Variants in SV2B observed in about 807,000 individuals in gnomAD.
SV2B encodes the protein solute carrier family 22 member B2.
SV2B carries 41 observed loss-of-function variants against 73.9 expected under a neutral mutation model. The ratio of observed to expected loss-of-function variants is 0.56; its 90% CI spans 0.43 to 0.72. The LOEUF (loss-of-function observed/expected upper bound fraction) is 0.72, where lower values mean the gene tolerates loss of function less well. Among genes scored for constraint, SV2B ranks in the 30% least tolerant of loss-of-function variants. The pLI, the probability that SV2B is intolerant of heterozygous loss-of-function variation, is 0.00. For missense variants in SV2B, 764 were observed against 857.8 expected (o/e 0.89, Z 1.37); for synonymous variants, 314 against 314.2 (o/e 1.00, Z 0.01).
In SV2B at chr15:91,130,635, AGCTCCT is replaced by A. The variant is rs1350948484; in HGVS notation, c.-392+30275_-392+30280del. 6.6e-6 allele frequency among the ~76,000 whole-genome samples: 1 copy of A among 152,096 alleles called. No homozygotes were observed. The highest frequency in any genetic ancestry group is 2.4e-5 in the African/African-American group (1 of 41,406). ...TCACGGAGGACAGGGACCAAGAGGA[AGCTCCT>A]GCGTGTCAGTCAGGATGTGGCTTGT... On this transcript the variant is annotated intron_variant, in intron 1 of 12. Transcript: ENST00000394232. This position sits in a 1 kb window ranked among gnomAD's most constrained non-coding sequence, Gnocchi z 5.6.
intron 1 of SV2B, among the ~76,000 whole-genome samples, chr15:91,189,092 C>T (rs2044897073): frequency 6.6e-6 from 1 of 152,140 alleles, no homozygotes; most frequent in Non-Finnish European, 1.5e-5. Flanking sequence ...TCTCAAAGTG[C>T]TGGGATTACA....
intron 9 of SV2B, among the ~76,000 whole-genome samples, chr15:91,279,643 G>A (rs1567428427): frequency 6.6e-6 from 1 of 152,180 alleles, no homozygotes; most frequent in African/African-American, 2.4e-5. Context: ...AGGGCTGCCT[G>A]CGTCAGACCC....
At chr15:91,150,480 A>G (rs114630277) in intron 1 of SV2B, among the ~76,000 whole-genome samples, 1,958 of 152,282 alleles carry the variant, frequency 0.013, 39 homozygotes, top group African/African-American at 0.043. Flanking sequence ...TCTGTGTTGG[A>G]AAAACATAAG....
chr15:91,182,527 G>A (rs969162260), intron 1 of SV2B, among the ~76,000 whole-genome samples: 1 of 152,202 alleles, frequency 6.6e-6, no homozygotes, highest in Non-Finnish European at 1.5e-5. Context: ...CTTAGGGCAA[G>A]TTCCTGAGCT....
At chr15:91,246,726 C>T (rs1466805875) in intron 2 of SV2B, among the ~76,000 whole-genome samples, 1 of 151,690 alleles carries the variant, frequency 6.6e-6, no homozygotes, top group Admixed American at 6.6e-5. Context: ...TCCTCCTCCT[C>T]CTCCTCCTCC....
In SV2B at chr15:91,137,609, T is replaced by TATATGTATTTCATATATAC. The variant is rs2042875055; in HGVS notation, c.-392+37250_-392+37251insGTATTTCATATATACATAT. 7.2e-6 allele frequency among the ~76,000 whole-genome samples: 1 copy of TATATGTATTTCATATATAC among 138,226 alleles called. No individual in the cohort carries two copies. The highest frequency in any genetic ancestry group is 2.7e-5 in the African/African-American group (1 of 37,234). 90.7% of individuals were successfully genotyped at this position (138,226 alleles called of 152,430 possible). ...ATTTCTCATATATATATATATTTCA[T>TATATGTATTTCATATATAC]ATATATATTTCATATATACATATAT... On this transcript the variant is annotated intron_variant, in intron 1 of 12. Transcript: ENST00000394232. This position sits in a 1 kb window ranked among gnomAD's most constrained non-coding sequence, Gnocchi z 4.9.
At position 91,276,985 on chromosome 15, in the gene SV2B, TA is replaced by T. The variant is rs1238232413; in HGVS notation, c.1374-4741del. On this transcript the variant is annotated intron_variant, in intron 9 of 12. Transcript: ENST00000394232. ...ACAGGCATGCAACACCACACCTGGC[TA>T]ATTTTTTGTATTTTTAGTAGAGACG... is the stretch of plus-strand genomic sequence containing the variant. Among the ~76,000 whole-genome samples the T allele has an allele frequency of 1.4e-4, 21 of 152,196 alleles. 1 individual carries two copies. In the South Asian group the frequency reaches 4.4e-3, roughly 32 times the overall value.
intron 9 of SV2B, among the ~76,000 whole-genome samples, chr15:91,276,805 G>GTTATTATTATTATTA (rs3082230): frequency 0.011 from 971 of 92,106 alleles, 9 homozygotes; most frequent in African/African-American, 0.029. Flanking sequence ...TATTGTTGTT[G>GTTATTATTATTATTA]TTATTATTAT....
chr15:91,168,301 CGAGAGA>C (rs113991291), intron 1 of SV2B, among the ~76,000 whole-genome samples: 31 of 137,292 alleles, frequency 2.3e-4, no homozygotes, highest in African/African-American at 5.8e-4. Flanking sequence ...TGGTGAGATA[CGAGAGA>C]GAGAGAGAGA....
In SV2B at chr15:91,215,273, A is replaced by G. The variant is rs369561830; in HGVS notation, c.-391-10600A>G. The stretch of plus-strand genomic sequence containing the variant: ...TCACAATGAAACTGTTTCCTGGGGT[A>G]AGAACTTAGGCCAGAGGTTCTTGAC... On this transcript the variant is annotated intron_variant, in intron 1 of 12. Coordinates refer to ENST00000394232, the MANE Select transcript of SV2B (RefSeq NM_001323032.3). Among the ~76,000 whole-genome samples, 143 of 152,310 alleles carry G rather than the reference A, an allele frequency of 9.4e-4. 2 individuals are homozygous for G. The highest frequency in any genetic ancestry group is 3.3e-3 in the African/African-American group (138 of 41,566).
At position 91,294,958 on chromosome 15, in the gene SV2B, C is replaced by T. The variant is rs1027461119; in HGVS notation, c.*2406C>T. On this transcript the variant is annotated 3_prime_UTR_variant, in exon 13 of 13. Transcript: ENST00000394232. This position sits in a 1 kb window ranked among gnomAD's most constrained non-coding sequence, Gnocchi z 4.1. ...AGGATTGTCTAGCCTGAGTACCGGG[C>T]TACTTCTTAAATGCCGTCACTCCTG... The T allele has an allele frequency of 6.6e-6, 1 of 152,630 alleles. No individual in the cohort carries two copies. The highest frequency in any genetic ancestry group is 1.5e-5 in the Non-Finnish European group (1 of 68,064). The allele number at this position is 152,630 out of a possible 1,614,324, so 9.5% of individuals were successfully genotyped here.
chr15:91,217,792 C>A (rs966305163), intron 1 of SV2B, among the ~76,000 whole-genome samples: 9 of 152,258 alleles, frequency 5.9e-5, no homozygotes, highest in African/African-American at 2.2e-4. Flanking sequence ...AACAATCCCT[C>A]GCTTGAGAGG....
intron 1 of SV2B, among the ~76,000 whole-genome samples, chr15:91,135,509 C>T (rs1357216622): frequency 6.6e-6 from 1 of 152,128 alleles, no homozygotes; most frequent in South Asian, 2.1e-4. Flanking sequence ...ATCATCACAG[C>T]AATGTTGCAA....
At chr15:91,221,693 G>GCACACACA (rs3082137) in intron 1 of SV2B, among the ~76,000 whole-genome samples, 1,498 of 140,118 alleles carry the variant, frequency 0.011, 8 homozygotes, top group Non-Finnish European at 0.016. Context: ...AAGCATGTGC[G>GCACACACA]CACACACACA....
chr15:91,181,286 G>A (rs1301455160), intron 1 of SV2B, among the ~76,000 whole-genome samples: 7 of 150,256 alleles, frequency 4.7e-5, no homozygotes, highest in Non-Finnish European at 1.0e-4. Context: ...GGCCATATGA[G>A]GTGTCAGTCT....
intron 11 of SV2B, among the ~76,000 whole-genome samples, chr15:91,285,125 T>C (rs1203842663): frequency 6.6e-6 from 1 of 152,206 alleles, no homozygotes; most frequent in Non-Finnish European, 1.5e-5. Context: ...GTCATTTTGT[T>C]GGAGAAGAGA....
At chr15:91,248,287 C>G (rs939274012) in intron 2 of SV2B, among the ~76,000 whole-genome samples, 5 of 152,174 alleles carry the variant, frequency 3.3e-5, no homozygotes, top group Admixed American at 2.6e-4. Context: ...TGCCACTACA[C>G]TCCAGCCTGG....
In SV2B at chr15:91,282,676, G is replaced by A. The variant is rs192568135; in HGVS notation, c.1507+815G>A. 1.2e-4 allele frequency among the ~76,000 whole-genome samples: 18 copies of A among 152,326 alleles called. No individual in the cohort carries two copies. The East Asian group carries it at 3.3e-3, about 28-fold the overall frequency. On this transcript the variant is annotated intron_variant, in intron 10 of 12. Coordinates refer to ENST00000394232, the MANE Select transcript of SV2B (RefSeq NM_001323032.3). Reference sequence around the variant, plus strand: ...CCTCAGTTGTTTGGCTCTGAAGCCTGCAATCTTTCCACAGAACTACTTGCA... The same window carrying A: ...CCTCAGTTGTTTGGCTCTGAAGCCTACAATCTTTCCACAGAACTACTTGCA...
At chr15:91,156,423 A>T (rs183397497) in intron 1 of SV2B, among the ~76,000 whole-genome samples, 6 of 152,306 alleles carry the variant, frequency 3.9e-5, no homozygotes, top group Admixed American at 6.5e-5. Flanking sequence ...GACTCAGCCA[A>T]CCGAAAACAT....
Sources: gnomAD v4.1 joint callset for allele counts (sites outside exome capture counted in the v4.1 genomes callset) on GRCh38, gnomAD v4.1.1 for gene constraint, Gnocchi (gnomAD v3.1) non-coding constraint, MANE v1.5 for transcripts, NCBI Gene and HGNC (gene_info 2026-07-23, HGNC 2026-07-21) for gene names.